SNX13: variants seen among roughly 807,000 people sequenced by gnomAD.
The protein encoded by SNX13 is sorting nexin 13.
In SNX13, 45 loss-of-function variants were observed where a neutral mutation model predicts 133.6. That is an observed-to-expected ratio of 0.34 (90% CI 0.27 to 0.43). SNX13 has a LOEUF of 0.43. Ranked by LOEUF, SNX13 falls within the 20% of genes least tolerant of loss-of-function variation. The pLI is 1.00. For synonymous variants in SNX13, 414 were observed against 373.9 expected (o/e 1.11, Z -1.24); for missense variants, 1,032 against 1,145.1 (o/e 0.90, Z 1.43).
At chr7:17,895,992 C>CA (rs1026519429) in intron 2 of SNX13, among the ~76,000 whole-genome samples, 3 of 150,912 alleles carry the variant, frequency 2.0e-5, no homozygotes, top group Admixed American at 6.6e-5. Context: ...TTCTACCTTT[C>CA]AAAAAAAAAT....
At chr7:17,925,874 C>T (rs1019935694) in intron 1 of SNX13, among the ~76,000 whole-genome samples, 1 of 151,292 alleles carries the variant, frequency 6.6e-6, no homozygotes, top group Non-Finnish European at 1.5e-5. Flanking sequence ...AGAAACATAA[C>T]AATCACATTA....
intron 12 of SNX13, among the ~76,000 whole-genome samples, chr7:17,840,695 G>A (rs1001159955): frequency 1.3e-5 from 2 of 151,930 alleles, no homozygotes; most frequent in Admixed American, 1.3e-4. Context: ...GGTTTCTAAA[G>A]AAAAACATTT....
At chr7:17,906,354 T>C (rs946796136) in intron 1 of SNX13, among the ~76,000 whole-genome samples, 1 of 152,162 alleles carries the variant, frequency 6.6e-6, no homozygotes, top group Non-Finnish European at 1.5e-5. Flanking sequence ...TTATCATCCC[T>C]AACATTAGTA....
At chr7:17,854,630 G>A (rs988862645) in intron 9 of SNX13, among the ~76,000 whole-genome samples, 2 of 152,154 alleles carry the variant, frequency 1.3e-5, no homozygotes, top group Admixed American at 6.5e-5. Flanking sequence ...ATGGTGATCA[G>A]TGATCTTTGA....
chr7:17,803,726 G>A, intron 20 of SNX13, 146 bp from the exon 21 acceptor site: 1 of 737,918 alleles, frequency 1.4e-6, no homozygotes. Flanking sequence ...TAAAAGTACA[G>A]AAATGTTGTC....
intron 1 of SNX13, among the ~76,000 whole-genome samples, chr7:17,932,261 A>G (rs980795823): frequency 6.6e-6 from 1 of 152,220 alleles, no homozygotes; most frequent in Non-Finnish European, 1.5e-5. Flanking sequence ...TATCAAAGTA[A>G]CAACCTAATC....
chr7:17,809,282 C>CAAAG (rs1785706366), intron 20 of SNX13, among the ~76,000 whole-genome samples: 2 of 49,274 alleles, frequency 4.1e-5, no homozygotes, highest in African/African-American at 8.1e-5. Flanking sequence ...AGATGGAAAG[C>CAAAG]AAAAAAAAAA....
chr7:17,931,588 T>C (rs1262180082), intron 1 of SNX13, among the ~76,000 whole-genome samples: 1 of 152,146 alleles, frequency 6.6e-6, no homozygotes, highest in Non-Finnish European at 1.5e-5. Context: ...TCAGGTATAA[T>C]ACCAATTCAG....
At chr7:17,885,253 A>G (rs1196517231) in intron 5 of SNX13, among the ~76,000 whole-genome samples, 2 of 148,086 alleles carry the variant, frequency 1.4e-5, no homozygotes, top group African/African-American at 2.5e-5. Context: ...CACATATATT[A>G]TTTCATTCAT....
intron 4 of SNX13, among the ~76,000 whole-genome samples, chr7:17,890,905 G>T (rs1293051490): frequency 6.6e-6 from 1 of 151,776 alleles, no homozygotes; most frequent in Non-Finnish European, 1.5e-5. Flanking sequence ...TATATCATCA[G>T]ATCCATTGCA....
Position 17,821,652 on chromosome 7 carries a change from C to T in SNX13, c.1706-4G>A, listed in dbSNP as rs367550703. On this transcript the variant is annotated splice_polypyrimidine_tract_variant and splice_region_variant and intron_variant, in intron 17 of 25. Transcript: ENST00000428135. ...TTGCCATGATCATTACAAACGCCTG[C>T]CACAGCATATGGGTCATAGTCAGCA... 126 of 1,612,548 alleles carry T rather than the reference C, an allele frequency of 7.8e-5. No homozygotes were observed. The highest frequency in any genetic ancestry group is 1.0e-4 in the Non-Finnish European group (122 of 1,179,184).
chr7:17,882,242 C>T (rs942560366), intron 5 of SNX13: 1 of 152,118 alleles, frequency 6.6e-6, no homozygotes, highest in Non-Finnish European at 1.5e-5. Flanking sequence ...ACATCTCTTC[C>T]TATTTCCATG....
chr7:17,923,792 A>AT (rs1800415733), intron 1 of SNX13, among the ~76,000 whole-genome samples: 1 of 152,212 alleles, frequency 6.6e-6, no homozygotes, highest in Non-Finnish European at 1.5e-5. Context: ...ACACTGCAGA[A>AT]TTTAAAGTTA....
intron 1 of SNX13, among the ~76,000 whole-genome samples, chr7:17,912,242 C>T (rs1460810947): frequency 2.0e-5 from 3 of 152,096 alleles, no homozygotes; most frequent in Non-Finnish European, 4.4e-5. Flanking sequence ...CAGTCAGTAT[C>T]CCTCTGTGAC....
At chr7:17,915,827 C>T (rs1799501992) in intron 1 of SNX13, among the ~76,000 whole-genome samples, 1 of 152,302 alleles carries the variant, frequency 6.6e-6, no homozygotes, top group Non-Finnish European at 1.5e-5. Context: ...CTACAGGACA[C>T]TTAACCCAAT....
intron 15 of SNX13, chr7:17,830,602 C>T (rs370136570): frequency 1.0e-6 from 1 of 983,730 alleles, no homozygotes. Flanking sequence ...ACAGTTAAAA[C>T]TGCATATGCA....
intron 11 of SNX13, among the ~76,000 whole-genome samples, chr7:17,846,832 C>G (rs1465346154): frequency 6.6e-6 from 1 of 152,084 alleles, no homozygotes; most frequent in Non-Finnish European, 1.5e-5. Context: ...TTCTCCTGCC[C>G]AGCAGCGGCT....
intron 1 of SNX13, among the ~76,000 whole-genome samples, chr7:17,927,076 G>A (rs560713862): frequency 2.1e-4 from 32 of 151,976 alleles, no homozygotes; most frequent in African/African-American, 7.0e-4. Context: ...AAAAACTTAT[G>A]TCAAATTTTT....
At chr7:17,807,823 C>T (rs1289363521) in intron 20 of SNX13, among the ~76,000 whole-genome samples, 1 of 125,156 alleles carries the variant, frequency 8.0e-6, no homozygotes, top group Non-Finnish European at 1.6e-5. Flanking sequence ...CTCGGGCAAA[C>T]AGGGTCTGGA....
Sources: allele counts gnomAD v4.1 joint callset (sites outside exome capture counted in the v4.1 genomes callset), GRCh38; gene constraint gnomAD v4.1.1; transcripts MANE v1.5; gene names NCBI Gene and HGNC (gene_info 2026-07-23, HGNC 2026-07-21).